The following MUC4 variants were observed in gnomAD, a reference collection of about 807,000 sequenced individuals.
MUC4 encodes the protein mucin 4, cell surface associated.
Under a neutral mutation model 257.9 loss-of-function variants are expected in MUC4, and 202 were observed. The ratio of observed to expected loss-of-function variants is 0.78; its 90% CI spans 0.70 to 0.88. The LOEUF (loss-of-function observed/expected upper bound fraction) is 0.88, where lower values mean the gene tolerates loss of function less well. Among genes scored for constraint, MUC4 ranks in the 40% least tolerant of loss-of-function variants. MUC4 has a pLI of 0.00. For missense variants in MUC4, 5,976 were observed against 6,513.7 expected, an observed-to-expected ratio of 0.92 and a Z score of 2.84; for synonymous variants, 2,351 against 2,757.1, an observed-to-expected ratio of 0.85 and a Z score of 4.62.
intron 7 of MUC4, among the ~76,000 whole-genome samples, chr3:195,767,575 A>G (rs1402189703): frequency 2.7e-3 from 280 of 105,110 alleles, no homozygotes; most frequent in Middle Eastern, 5.6e-3. Flanking sequence ...CACCACCATC[A>G]CCACCACCAT....
chr3:195,754,200 G>A lies in MUC4; in HGVS notation c.15328+13C>T. The A allele has an allele frequency of 1.9e-6, 3 of 1,606,804 alleles. No homozygotes were observed. The highest frequency in any genetic ancestry group is 2.6e-6 in the Non-Finnish European group (3 of 1,175,620). On this transcript the variant is annotated intron_variant, in intron 19 of 24. Coordinates refer to ENST00000463781, the MANE Select transcript of MUC4 (RefSeq NM_018406.7). ...CCCAGAAGCGCCTGCTCCAGGCCCT[G>A]TTCCCGGCTCACCCGCACAGTGCCG...
rs1490417628 is a variant in MUC4 at position 195,751,099 on chromosome 3, G to A, written c.15661C>T (p.Pro5221Ser). 1 of 1,596,706 alleles carries A rather than the reference G, an allele frequency of 6.3e-7. No homozygotes were observed. The highest frequency in any genetic ancestry group is 1.1e-5 in the South Asian group (1 of 90,416). ...TGTTGGATGGGGCTTCCCGAGGCCGGTGCTGCAGAATCGCTGTGTGGGAGG... is the reference window on the plus strand; with the variant it reads ...TGTTGGATGGGGCTTCCCGAGGCCGATGCTGCAGAATCGCTGTGTGGGAGG... ...SQVERIDSAA[P>S]ASGSPIQHWM... The change falls in exon 23 of 25, where the codon CCG becomes TCG. Residue 5221 changes from proline to serine, a missense_variant. Transcript: ENST00000463781.
chr3:195,798,453 C>T (rs1475551097), intron 1 of MUC4, among the ~76,000 whole-genome samples: 4 of 152,140 alleles, frequency 2.6e-5, no homozygotes, highest in Non-Finnish European at 5.9e-5. Flanking sequence ...CCTGTAATCC[C>T]AGCGCTTTGT....
intron 8 of MUC4, among the ~76,000 whole-genome samples, 188 bp from the exon 9 acceptor site, chr3:195,765,637 C>T (rs544833090): frequency 4.6e-5 from 7 of 152,230 alleles, no homozygotes; most frequent in Admixed American, 3.3e-4. Context: ...CTGCTTCTGA[C>T]GACCAAACGT....
Position 195,785,262 on chromosome 3 carries a change from G to T in MUC4, c.6318C>A (p.Ser2106=). The change falls in exon 2 of 25, where the codon TCC becomes TCA. Residue 2106 remains serine, a synonymous_variant. Transcript: ENST00000463781. The part of the protein sequence containing the change: ...SLLVTDASSV[S]TGHATALHDT... ...CATGAAGAGCGGTGGCGTGACCTGT[G>T]GATACTGAGGAAGCGTCGGTGACAA... 6.4e-7 allele frequency: 1 copy of T among 1,553,892 alleles called. No individual in the cohort carries two copies. Among genetic ancestry groups the T allele is most frequent in the African/African-American group, 1.4e-5 (1 of 72,724 alleles).
Position 195,789,563 on chromosome 3 carries a change from C to A in MUC4, c.2017G>T (p.Ala673Ser), listed in dbSNP as rs781394842. Residue 673 changes from alanine to serine, a missense_variant, in exon 2 of 25, where the codon GCC (alanine) becomes TCC (serine). Ala to Ser is a moderately conservative substitution (Grantham distance 99). Coordinates refer to ENST00000463781, the MANE Select transcript of MUC4 (RefSeq NM_018406.7). ...TVTTPGSSFTASGHSPSEIVP... is the reference protein window; with the variant it reads ...TVTTPGSSFTSSGHSPSEIVP... ...ATTTCTGAGGGCGAGTGCCCACTGGCTGTGAAGGAAGAACCTGGGGTGGTG... is the reference window on the plus strand; with the variant it reads ...ATTTCTGAGGGCGAGTGCCCACTGGATGTGAAGGAAGAACCTGGGGTGGTG... 3 of 1,613,648 alleles carry A rather than the reference C, an allele frequency of 1.9e-6. No homozygotes were observed. The Admixed American group carries it at 5.0e-5, about 27-fold the overall frequency.
At chr3:195,764,299 G>GCA (rs1719931053) in intron 10 of MUC4, 135 bp from the exon 11 acceptor site, 1 of 992,354 alleles carries the variant, frequency 1.0e-6, no homozygotes, top group Admixed American at 2.4e-5. Flanking sequence ...GGTGTTGGTG[G>GCA]AGAGCTTGGC....
chr3:195,780,432 G>A lies in MUC4; in HGVS notation c.11148C>T (p.Thr3716=), dbSNP rs1305247401. 1.9e-5 allele frequency: 29 copies of A among 1,535,830 alleles called. No homozygotes were observed. Among genetic ancestry groups the A allele is most frequent in the Middle Eastern group, 2.1e-4 (1 of 4,820 alleles). Residue 3716 remains threonine (T), a synonymous_variant, in exon 2 of 25, where the codon ACC becomes ACT. Transcript: ENST00000463781. ...GACCTGTAGATACTGAGGAAGTGCT[G>A]GTGACAGGAAGAGGGGTGGTGTGAC... is the stretch of plus-strand genomic sequence containing the variant. ...SSGHTTPLPV[T]STSSVSTGHV...
chr3:195,779,053 G>C lies in MUC4; in HGVS notation c.12527C>G (p.Pro4176Arg), dbSNP rs1245802259. 2.2e-5 allele frequency: 24 copies of C among 1,082,436 alleles called. No homozygotes were observed. Among genetic ancestry groups the C allele is most frequent in the African/African-American group, 6.5e-5 (4 of 61,568 alleles). The allele number at this position is 1,082,436 out of a possible 1,614,324, so 67.1% of individuals were successfully genotyped here. A position where few individuals can be genotyped will look rare whatever the true frequency, so the allele number is the denominator to read the frequency against. The change falls in exon 2 of 25, where the codon CCT (proline) becomes CGT (arginine). Residue 4176 changes from proline to arginine, a missense_variant. Coordinates refer to ENST00000463781, the MANE Select transcript of MUC4 (RefSeq NM_018406.7). ...TGAGGAAGTGCTGGTGACAGGAAGA[G>C]GGGTGCCGTGACCTGTGGACACTGA... ...ASSVSTGHGTPLPVTSTSSAS... is the reference protein window; with the variant it reads ...ASSVSTGHGTRLPVTSTSSAS...
In MUC4 at chr3:195,788,771, G is replaced by T. The variant is rs758163619; in HGVS notation, c.2809C>A (p.Pro937Thr). The T allele has an allele frequency of 1.9e-6, 3 of 1,613,942 alleles. No individual in the cohort carries two copies. The highest frequency in any genetic ancestry group is 2.2e-5 in the South Asian group (2 of 91,080). Residue 937 changes from proline to threonine, a missense_variant, in exon 2 of 25, where the codon CCC (proline) becomes ACC (threonine). By Grantham distance (38) the Pro-to-Thr change is conservative (BLOSUM62 -1). Around this residue, in one of 44 missense-constraint regions of MUC4, gnomAD observed 1,583 missense variants for 1,257.4 expected, o/e 1.26. Transcript: ENST00000463781. ...GTGGATGTGATCGATGGAGGTGTGG[G>T]TGGGACTGTTGAGAAGGTGTCGGTT... ...QATDTFSTVP[P>T]TPPSITSTGL...
chr3:195,763,802 T>C (rs531222765), intron 11 of MUC4, among the ~76,000 whole-genome samples, 161 bp from the exon 12 acceptor site: 1 of 152,134 alleles, frequency 6.6e-6, no homozygotes, highest in Non-Finnish European at 1.5e-5. Flanking sequence ...GCTGGGGAGA[T>C]GTTCACAGAG....
rs1320964697 is a variant in MUC4, at chr3:195,780,917, C to G, written c.10663G>C (p.Val3555Leu). The G allele has an allele frequency of 4.0e-6, 6 of 1,512,918 alleles. 1 individual carries two copies. The highest frequency in any genetic ancestry group is 5.3e-6 in the Non-Finnish European group (6 of 1,123,542). The allele number at this position is 1,512,918 out of a possible 1,614,324, so 93.7% of individuals were successfully genotyped here. ...GTGGATGCCGAGGAAGCGTCGGTGA[C>G]AGGAAGAGGGGTGGTGTCACCTGTG... ...VSTGDTTPLPVTDASSASTGQ... is the reference protein window; with the variant it reads ...VSTGDTTPLPLTDASSASTGQ... The change falls in exon 2 of 25, where the codon GTC (valine) becomes CTC (leucine). Residue 3555 changes from valine (V) to leucine (L), a missense_variant. Coordinates refer to ENST00000463781, the MANE Select transcript of MUC4 (RefSeq NM_018406.7).
At chr3:195,754,115 T>C in intron 19 of MUC4, 98 bp downstream of exon 19, 2 of 1,435,620 alleles carry the variant, frequency 1.4e-6, no homozygotes, top group South Asian at 2.8e-5. Context: ...AAAGATCTGC[T>C]GGAAAAAGGA....
chr3:195,762,018 C>T (rs1719069377), intron 14 of MUC4, 69 bp downstream of exon 14: 2 of 1,494,182 alleles, frequency 1.3e-6, no homozygotes, highest in South Asian at 1.2e-5. Context: ...CTGCCCGGGC[C>T]GCCGGCGTGG....
chr3:195,796,913 T>C (rs1027729350), intron 1 of MUC4, among the ~76,000 whole-genome samples: 1 of 151,942 alleles, frequency 6.6e-6, no homozygotes, highest in Admixed American at 6.6e-5. Flanking sequence ...CCAGTAATAA[T>C]ACATGGAAGC....
chr3:195,811,462 C>G (rs1041067489), intron 1 of MUC4, among the ~76,000 whole-genome samples: 1 of 152,076 alleles, frequency 6.6e-6, no homozygotes, highest in Non-Finnish European at 1.5e-5. Context: ...CATGAGCCAC[C>G]GCGCACGGCC....
chr3:195,749,015 G>T lies in MUC4; in HGVS notation c.15921C>A (p.Gly5307=). 1 of 1,609,510 alleles carries T rather than the reference G, an allele frequency of 6.2e-7. No homozygotes were observed. The highest frequency in any genetic ancestry group is 2.2e-5 in the East Asian group (1 of 44,682). ...KAYFRCDGYK[G]YDLVYSPQSG... is the part of the protein sequence containing the mutation. ...TCTGGGGGCTGTAGACCAGGTCGTA[G>T]CCCTTGTAGCCATCGCATCTGAAGT... Residue 5307 remains glycine, a synonymous_variant, in exon 24 of 25, where the codon GGC becomes GGA. Transcript: ENST00000463781.
rs552027036 is a variant in MUC4 at position 195,781,569 on chromosome 3, T to C, written c.10011A>G (p.Ala3337=). 207 of 1,275,892 alleles carry C rather than the reference T, an allele frequency of 1.6e-4. 8 individuals carry two copies. Among genetic ancestry groups the C allele is most frequent in the Non-Finnish European group, 2.1e-4 (201 of 942,744 alleles). 79.0% of individuals were successfully genotyped at this position (1,275,892 alleles called of 1,614,324 possible). ...TPLHVTSPSS[A]STGDTTPVPV... The stretch of plus-strand genomic sequence containing the variant: ...GCACAGGGGTGGTGTCACCTGTGGA[T>C]GCTGAGGAAGGGCTGGTGACATGAA... The change falls in exon 2 of 25, where the codon GCA becomes GCG. Residue 3337 remains alanine, a synonymous_variant. Transcript: ENST00000463781.
rs1719200482 is a variant in MUC4, at chr3:195,762,385, G to C, written c.14345-131C>G. The C allele has an allele frequency of 1.9e-5, 20 of 1,042,234 alleles. No individual in the cohort carries two copies. The South Asian group carries it at 3.3e-4, about 17-fold the overall frequency. The allele number at this position is 1,042,234 out of a possible 1,614,324, so 64.6% of individuals were successfully genotyped here. On this transcript the variant is annotated intron_variant, in intron 13 of 24. Transcript: ENST00000463781. Reference sequence around the variant, plus strand: ...GAAGCCGGGAGGGGTCTGCACTGGAGGCGGAGAAGAGGCCGGCGAGCTGCA... The same window carrying C: ...GAAGCCGGGAGGGGTCTGCACTGGACGCGGAGAAGAGGCCGGCGAGCTGCA...
Sources: gnomAD v4.1 joint callset for allele counts (sites outside exome capture counted in the v4.1 genomes callset) on GRCh38, gnomAD v4.1.1 for gene constraint, gnomAD v4.1.1 regional missense constraint, MANE v1.5 for transcripts, NCBI Gene and HGNC (gene_info 2026-07-23, HGNC 2026-07-21) for gene names.